Variants in ARHGAP22 observed in about 807,000 individuals in gnomAD.
The protein encoded by ARHGAP22 is rho GTPase-activating protein 22.
Under a neutral mutation model 59.1 loss-of-function variants are expected in ARHGAP22, and 48 were observed. The ratio of observed to expected loss-of-function variants is 0.81; its 90% CI spans 0.64 to 1.03. The LOEUF (loss-of-function observed/expected upper bound fraction) is 1.03. Among genes scored for constraint, ARHGAP22 ranks in the 50% least tolerant of loss-of-function variants. ARHGAP22 has a pLI of 0.00. For synonymous variants in ARHGAP22, 445 were observed against 416.4 expected (o/e 1.07, Z -0.84); for missense variants, 1,015 against 958.7 (o/e 1.06, Z -0.78).
At chr10:48,469,434 C>T (rs1481999096) in intron 4 of ARHGAP22, among the ~76,000 whole-genome samples, 2 of 152,238 alleles carry the variant, frequency 1.3e-5, no homozygotes, top group African/African-American at 4.8e-5. Context: ...TAACAGTTGG[C>T]CTCTTCACTC....
chr10:48,524,250 CA>C (rs1452350411), intron 3 of ARHGAP22: 1 of 301,858 alleles, frequency 3.3e-6, no homozygotes, highest in Admixed American at 6.5e-5. Flanking sequence ...CCCGGGCCCT[CA>C]CACTCCACCG....
intron 5 of ARHGAP22, among the ~76,000 whole-genome samples, chr10:48,455,864 C>T (rs2046446901): frequency 6.6e-6 from 1 of 152,160 alleles, no homozygotes; most frequent in Non-Finnish European, 1.5e-5. Flanking sequence ...GAGGTCAGGC[C>T]CTTTCCTCTC....
chr10:48,550,912 C>T (rs1193476702), intron 3 of ARHGAP22, among the ~76,000 whole-genome samples: 1 of 152,194 alleles, frequency 6.6e-6, no homozygotes, highest in Non-Finnish European at 1.5e-5. Context: ...GTTATTCTAA[C>T]AGTCTCATTA....
At chr10:48,505,114 C>T (rs955300469) in intron 3 of ARHGAP22, among the ~76,000 whole-genome samples, 2 of 152,162 alleles carry the variant, frequency 1.3e-5, no homozygotes, top group African/African-American at 4.8e-5. Flanking sequence ...CATGCAGTGG[C>T]ACAATCTCGG....
intron 1 of ARHGAP22, among the ~76,000 whole-genome samples, chr10:48,631,286 G>C (rs1168891832): frequency 1.3e-5 from 2 of 152,062 alleles, no homozygotes; most frequent in African/African-American, 4.8e-5. Flanking sequence ...GTCTTTATCT[G>C]GTTTGGGTAT....
At chr10:48,562,322 C>T (rs2057744825) in intron 2 of ARHGAP22, among the ~76,000 whole-genome samples, 1 of 152,078 alleles carries the variant, frequency 6.6e-6, no homozygotes, top group South Asian at 2.1e-4. Flanking sequence ...GCATATTTCC[C>T]TACAGAGATT....
intron 1 of ARHGAP22, among the ~76,000 whole-genome samples, chr10:48,596,599 T>C (rs1459381048): frequency 6.6e-6 from 1 of 152,178 alleles, no homozygotes; most frequent in Non-Finnish European, 1.5e-5. Context: ...TCCAGGCTTT[T>C]CACCCTGACT....
intron 2 of ARHGAP22, among the ~76,000 whole-genome samples, chr10:48,577,332 T>C (rs2058781860): frequency 6.6e-6 from 1 of 152,190 alleles, no homozygotes; most frequent in Non-Finnish European, 1.5e-5. Context: ...CTTCCTCTTT[T>C]TGTCTTGGTT....
intron 1 of ARHGAP22, among the ~76,000 whole-genome samples, chr10:48,603,610 C>T (rs551284159): frequency 5.9e-5 from 9 of 152,314 alleles, no homozygotes; most frequent in South Asian, 4.1e-4. Context: ...ACTAAGCTCT[C>T]GCAGAGGTAT....
At chr10:48,439,897 T>A in the ARHGAP22 span, among the ~76,000 whole-genome samples, 4 of 152,180 alleles carry the variant, frequency 2.6e-5, no homozygotes, top group Non-Finnish European at 5.9e-5. Flanking sequence ...GAACTCACAC[T>A]GCCCTCCTCT....
chr10:48,434,183 A>G, the ARHGAP22 span, among the ~76,000 whole-genome samples: 1 of 152,182 alleles, frequency 6.6e-6, no homozygotes, highest in Admixed American at 6.5e-5. Flanking sequence ...TGCTCTTACT[A>G]TATTTAATAA....
At position 48,446,168 on chromosome 10, in the gene ARHGAP22, C is replaced by G. The variant is rs913827945; in HGVS notation, c.*223G>C. On this transcript the variant is annotated 3_prime_UTR_variant, in exon 10 of 10. Transcript: ENST00000249601. ...CTAAGCGCTACTCTTGGTACCGTCC[C>G]CTTCTGACCCTCACCAGGAACTGCA... The G allele has an allele frequency of 3.4e-6, 2 of 591,268 alleles. No individual in the cohort carries two copies. Among genetic ancestry groups the G allele is most frequent in the South Asian group, 4.3e-5 (2 of 46,664 alleles). 36.6% of individuals were successfully genotyped at this position (591,268 alleles called of 1,614,324 possible). A position where few individuals can be genotyped will look rare whatever the true frequency, so the allele number is the denominator to read the frequency against.
At chr10:48,615,991 C>T (rs111590285) in intron 1 of ARHGAP22, among the ~76,000 whole-genome samples, 1 of 151,712 alleles carries the variant, frequency 6.6e-6, no homozygotes, top group African/African-American at 2.4e-5. Flanking sequence ...TGAGCAAAGC[C>T]TAAGATGCCT....
chr10:48,591,491 G>A (rs1013543541), intron 1 of ARHGAP22, among the ~76,000 whole-genome samples: 1 of 152,240 alleles, frequency 6.6e-6, no homozygotes, highest in Admixed American at 6.5e-5. Flanking sequence ...AGCATGTATG[G>A]GTATGCTGAA....
intron 1 of ARHGAP22, among the ~76,000 whole-genome samples, chr10:48,588,593 C>T (rs1469522999): frequency 6.6e-6 from 1 of 152,200 alleles, no homozygotes; most frequent in East Asian, 1.9e-4. Context: ...CAGGCAAGCT[C>T]AGGGCCCAGA....
chr10:48,630,000 T>C (rs1311747343), intron 1 of ARHGAP22, among the ~76,000 whole-genome samples: 1 of 152,220 alleles, frequency 6.6e-6, no homozygotes, highest in Non-Finnish European at 1.5e-5. Flanking sequence ...CAACTTTCAA[T>C]TGTTCATTGC....
upstream of ARHGAP22, among the ~76,000 whole-genome samples, chr10:48,606,999 G>A (rs1470102625): frequency 6.6e-6 from 1 of 152,182 alleles, no homozygotes; most frequent in Non-Finnish European, 1.5e-5. Flanking sequence ...GCCCTGGTTG[G>A]GACAGGGGCC....
intron 3 of ARHGAP22, among the ~76,000 whole-genome samples, chr10:48,553,190 C>T (rs973455759): frequency 6.6e-6 from 1 of 152,250 alleles, no homozygotes; most frequent in Non-Finnish European, 1.5e-5. Flanking sequence ...ATAGCTGCGC[C>T]GCACTCTGCA....
intron 3 of ARHGAP22, chr10:48,493,503 C>T (rs964831004): frequency 5.5e-5 from 85 of 1,535,522 alleles, no homozygotes; most frequent in East Asian, 7.3e-5. Context: ...TGTGGAGCAG[C>T]GGGGGCTGCA....
Sources: gnomAD v4.1 joint callset for allele counts (sites outside exome capture counted in the v4.1 genomes callset) on GRCh38, gnomAD v4.1.1 for gene constraint, MANE v1.5 for transcripts, NCBI Gene and HGNC (gene_info 2026-07-23, HGNC 2026-07-21) for gene names.